The following CFL1 variants were observed in gnomAD, a reference collection of about 807,000 sequenced individuals.
CFL1 encodes cofilin-1.
In CFL1, 2 loss-of-function variants were observed where a neutral mutation model predicts 16.3. The ratio of observed to expected loss-of-function variants is 0.12; its 90% CI spans 0.05 to 0.39. The LOEUF (loss-of-function observed/expected upper bound fraction) is 0.39. CFL1 is among the 10% of genes least tolerant of loss of function. The probability of loss-of-function intolerance (pLI) is 0.99; values close to 1 mark genes in which losing one functional copy is unlikely to be tolerated. For synonymous variants in CFL1, 111 were observed against 84.4 expected (o/e 1.31, Z -1.73); for missense variants, 75 against 212.2 (o/e 0.35, Z 4.02).
intron 2 of CFL1, 87 bp downstream of exon 2, chr11:65,855,848 C>A: frequency 6.6e-7 from 1 of 1,522,982 alleles, no homozygotes; most frequent in Non-Finnish European, 8.9e-7. Context: ...CCTCCAAACC[C>A]ACACATCTGG....
At chr11:65,857,856 C>A (rs908224425) in intron 1 of CFL1, 3 of 304,600 alleles carry the variant, frequency 9.8e-6, no homozygotes, top group African/African-American at 6.6e-5. Context: ...GGTGTCCGCG[C>A]GGGCGCACCA....
At chr11:65,855,525 A>C (rs1006339721) in intron 3 of CFL1, 77 bp from the exon 4 acceptor site, 1 of 1,566,456 alleles carries the variant, frequency 6.4e-7, no homozygotes, top group African/African-American at 1.4e-5. Flanking sequence ...GGAAGGAGCC[A>C]ATCAAAGCAG....
chr11:65,855,756 C>T, intron 2 of CFL1, 26 bp from the exon 3 acceptor site: 1 of 1,527,160 alleles, frequency 6.5e-7, no homozygotes, highest in Non-Finnish European at 8.8e-7. Flanking sequence ...CGTCAGGCAA[C>T]TCCCAGCAAC....
chr11:65,856,254 G>A lies in CFL1; in HGVS notation c.4-12C>T, dbSNP rs767995387. On this transcript the variant is annotated splice_polypyrimidine_tract_variant and intron_variant, in intron 1 of 3. Transcript: ENST00000308162. The stretch of plus-strand genomic sequence containing the variant: ...GCCACACCGGAGGCCTAGGAGACAT[G>A]CCACGTATACGTCAAGAAAAGGATT... The A allele has an allele frequency of 3.0e-5, 48 of 1,608,720 alleles. No individual in the cohort carries two copies. The Admixed American group carries it at 7.4e-4, about 25-fold the overall frequency.
At position 65,855,270 on chromosome 11, in the gene CFL1, C is replaced by A; in HGVS notation, c.*66G>T. 1 of 1,362,960 alleles carries A rather than the reference C, an allele frequency of 7.3e-7. No homozygotes were observed. Among genetic ancestry groups the A allele is most frequent in the Non-Finnish European group, 1.0e-6 (1 of 956,694 alleles). The allele number at this position is 1,362,960 out of a possible 1,614,324, so 84.4% of individuals were successfully genotyped here. ...CCCCTCCGGTCTGGCAGGAAGGGGG[C>A]AGCCTGCAACCCCCAAGGGCAGGTG... On this transcript the variant is annotated 3_prime_UTR_variant, in exon 4 of 4. Coordinates refer to ENST00000308162, the MANE Select transcript of CFL1 (RefSeq NM_005507.3).
At chr11:65,855,509 T>C (rs1416621643) in intron 3 of CFL1, 61 bp from the exon 4 acceptor site, 2 of 1,583,492 alleles carry the variant, frequency 1.3e-6, no homozygotes, top group East Asian at 2.2e-5. Flanking sequence ...GTAGTTTCTG[T>C]GGCTGGGAAG....
In CFL1 at chr11:65,855,180, G is replaced by A; in HGVS notation, c.*156C>T. On this transcript the variant is annotated 3_prime_UTR_variant, in exon 4 of 4. Transcript: ENST00000308162. ...GATGGAGGGAGAAGGAAAATCCAGG[G>A]GGTGGGGGGTCTGTTTGGCAACTGG... 1.6e-6 allele frequency: 1 copy of A among 613,834 alleles called. No homozygotes were observed. Among genetic ancestry groups the A allele is most frequent in the Non-Finnish European group, 2.9e-6 (1 of 342,708 alleles). 38.0% of individuals were successfully genotyped at this position (613,834 alleles called of 1,614,324 possible).
intron 1 of CFL1, chr11:65,856,586 G>A (rs562569417): frequency 3.4e-4 from 91 of 268,548 alleles, no homozygotes; most frequent in African/African-American, 1.8e-3. Flanking sequence ...CTCAGCCTTT[G>A]GATAAAACTG....
chr11:65,858,166 G>A lies in CFL1; in HGVS notation c.-67C>T, dbSNP rs371944392. On this transcript the variant is annotated 5_prime_UTR_variant, in exon 1 of 4. Transcript: ENST00000308162. ...AGACGAGAGCGCTGCAGCCGCTGCC[G>A]GGACCCGACTGAACGCGGCCTCTCC... is the stretch of plus-strand genomic sequence containing the variant. 1.6e-5 allele frequency: 24 copies of A among 1,494,864 alleles called. No individual in the cohort carries two copies. The highest frequency in any genetic ancestry group is 1.1e-4 in the South Asian group (9 of 79,538). 92.6% of individuals were successfully genotyped at this position (1,494,864 alleles called of 1,614,324 possible). A position where few individuals can be genotyped will look rare whatever the true frequency, so the allele number is the denominator to read the frequency against.
chr11:65,857,223 G>C (rs968936539), intron 1 of CFL1: 4 of 248,634 alleles, frequency 1.6e-5, no homozygotes, highest in Admixed American at 5.2e-5. Flanking sequence ...CATAACCTTC[G>C]GTTTTCTCAG....
intron 3 of CFL1, 24 bp downstream of exon 3, chr11:65,855,630 C>T (rs1313901120): frequency 6.4e-7 from 1 of 1,562,102 alleles, no homozygotes; most frequent in African/African-American, 1.4e-5. Flanking sequence ...CAGAAGGGCA[C>T]TCAGCACCAA....
At chr11:65,857,644 G>A (rs943925392) in intron 1 of CFL1, 22 of 224,782 alleles carry the variant, frequency 9.8e-5, no homozygotes, top group South Asian at 5.7e-4. Context: ...GGCTGCCGAG[G>A]GAGGGTGACG....
At chr11:65,855,838 C>G (rs1859376141) in intron 2 of CFL1, 97 bp downstream of exon 2, 1 of 1,506,660 alleles carries the variant, frequency 6.6e-7, no homozygotes. Flanking sequence ...ACCCCCTCCC[C>G]CTCCAAACCC....
chr11:65,855,898 G>C (rs757761586), intron 2 of CFL1, 37 bp downstream of exon 2: 3 of 1,590,028 alleles, frequency 1.9e-6, no homozygotes, highest in African/African-American at 1.3e-5. Flanking sequence ...ATGAGAAAGG[G>C]GGCAGGTGAC....
At chr11:65,856,285 G>A (rs781181147) in intron 1 of CFL1, 43 bp from the exon 2 acceptor site, 4 of 1,574,790 alleles carry the variant, frequency 2.5e-6, no homozygotes, top group South Asian at 1.1e-5. Context: ...GGATTCTAGG[G>A]AACTGCCCCT....
chr11:65,857,436 G>C (rs968905466), intron 1 of CFL1: 2 of 434,936 alleles, frequency 4.6e-6, no homozygotes, highest in Non-Finnish European at 9.4e-6. Flanking sequence ...GCACGGGTGA[G>C]AACGCAGCTC....
At position 65,858,040 on chromosome 11, in the gene CFL1, G is replaced by A. The variant is rs1859421008; in HGVS notation, c.3+57C>T. 6.6e-6 allele frequency: 10 copies of A among 1,511,346 alleles called. No individual in the cohort carries two copies. The East Asian group carries it at 2.7e-4, about 41-fold the overall frequency. The allele number at this position is 1,511,346 out of a possible 1,614,324, so 93.6% of individuals were successfully genotyped here. ...GGACGTCGCTCCCCAGTCGCTTCCC[G>A]CGCGCAGGCGACCGACCCGCAGCCG... On this transcript the variant is annotated intron_variant, in intron 1 of 3. Transcript: ENST00000308162.
In CFL1 at chr11:65,855,745, G is replaced by A. The variant is rs1373744931; in HGVS notation, c.312-15C>T. ...ACTCGGGGGCCCTGGACAGAAACAC[G>A]CGTCAGGCAACTCCCAGCAACAGCA... On this transcript the variant is annotated splice_polypyrimidine_tract_variant and intron_variant, in intron 2 of 3. Transcript: ENST00000308162. 10 of 1,530,968 alleles carry A rather than the reference G, an allele frequency of 6.5e-6. No homozygotes were observed. The highest frequency in any genetic ancestry group is 2.3e-5 in the East Asian group (1 of 44,168). 94.8% of individuals were successfully genotyped at this position (1,530,968 alleles called of 1,614,324 possible).
intron 1 of CFL1, 73 bp from the exon 2 acceptor site, chr11:65,856,315 A>C: frequency 8.1e-6 from 12 of 1,477,622 alleles, no homozygotes; most frequent in South Asian, 1.2e-5. Flanking sequence ...AGAAGATCTC[A>C]GTCCACGTCC....
Sources: allele counts gnomAD v4.1 joint callset, GRCh38; gene constraint gnomAD v4.1.1; transcripts MANE v1.5; gene names NCBI Gene and HGNC (gene_info 2026-07-23, HGNC 2026-07-21).